DAB1: variants seen among roughly 807,000 people sequenced by gnomAD.
The protein encoded by DAB1 is disabled homolog 1.
Under a neutral mutation model 64.6 loss-of-function variants are expected in DAB1, and 15 were observed. The ratio of observed to expected loss-of-function variants is 0.23; its 90% CI spans 0.16 to 0.36. The LOEUF (loss-of-function observed/expected upper bound fraction) is 0.36. Among genes scored for constraint, DAB1 ranks in the 10% least tolerant of loss-of-function variants. The pLI, the probability that DAB1 is intolerant of heterozygous loss-of-function variation, is 1.00. For synonymous variants in DAB1, 235 were observed against 251.9 expected, an observed-to-expected ratio of 0.93 and a Z score of 0.64; for missense variants, 596 against 706.7, an observed-to-expected ratio of 0.84 and a Z score of 1.78.
intron 5 of DAB1, among the ~76,000 whole-genome samples, chr1:58,053,474 T>C (rs2100533467): frequency 6.6e-6 from 1 of 152,214 alleles, no homozygotes; most frequent in Non-Finnish European, 1.5e-5. Flanking sequence ...CGAAGGAACT[T>C]TAGAGAAAAC....
At chr1:58,297,608 A>G (rs1389358716) in intron 4 of DAB1, among the ~76,000 whole-genome samples, 1 of 152,166 alleles carries the variant, frequency 6.6e-6, no homozygotes, top group African/African-American at 2.4e-5. Context: ...AGACATATCT[A>G]GTGGATGGCC....
intron 2 of DAB1, among the ~76,000 whole-genome samples, chr1:57,180,450 C>T (rs1462614085): frequency 6.6e-6 from 1 of 152,150 alleles, no homozygotes; most frequent in Non-Finnish European, 1.5e-5. Context: ...TTTTGCTTTT[C>T]TGCTGAAAGC....
intron 4 of DAB1, among the ~76,000 whole-genome samples, chr1:57,074,668 T>C (rs1015987259): frequency 2.6e-5 from 4 of 152,162 alleles, no homozygotes; most frequent in African/African-American, 9.7e-5. Context: ...ACTCTCTCTA[T>C]GGCTTCACAC....
At chr1:58,419,102 G>C (rs1644748415) in intron 3 of DAB1, among the ~76,000 whole-genome samples, 1 of 152,140 alleles carries the variant, frequency 6.6e-6, no homozygotes, top group Admixed American at 6.5e-5. Context: ...TTGGCAGAAG[G>C]GCAGTGTGTA....
At chr1:57,286,850 T>C (rs1174524546) in intron 2 of DAB1, among the ~76,000 whole-genome samples, 5 of 151,992 alleles carry the variant, frequency 3.3e-5, no homozygotes, top group Non-Finnish European at 5.9e-5. Flanking sequence ...CCCACCAGGG[T>C]GTAGAAAATA....
intron 3 of DAB1, among the ~76,000 whole-genome samples, chr1:58,442,771 G>A (rs188633240): frequency 1.3e-5 from 2 of 152,286 alleles, no homozygotes; most frequent in Non-Finnish European, 2.9e-5. Flanking sequence ...TGATATCACA[G>A]CACTTTGGGA....
rs1286481097 is a variant in DAB1 at position 57,015,373 on chromosome 1, T to C, written c.954A>G (p.Gln318=). The C allele has an allele frequency of 1.2e-6, 2 of 1,613,910 alleles. No individual in the cohort carries two copies. Among genetic ancestry groups the C allele is most frequent in the African/African-American group, 2.7e-5 (2 of 75,020 alleles). The change falls in exon 12 of 15, where the codon CAA becomes CAG. Residue 318 remains glutamine (Q), a synonymous_variant. Transcript: ENST00000371236. The part of the protein sequence containing the change: ...PSFWGQQPLV[Q]QQMVMGAQPP... ...GCTGGGCACCCATGACCATCTGCTG[T>C]TGGACGAGGGGCTGCTGACCCCAGA... is the stretch of plus-strand genomic sequence containing the variant.
At chr1:58,322,219 CA>C (rs1217008677) in intron 4 of DAB1, among the ~76,000 whole-genome samples, 2 of 152,198 alleles carry the variant, frequency 1.3e-5, no homozygotes, top group Admixed American at 1.3e-4. Context: ...GTAATGGCAA[CA>C]AAAGCCAAAA....
At chr1:57,773,072 G>A (rs1649631956) in intron 6 of DAB1, among the ~76,000 whole-genome samples, 1 of 152,014 alleles carries the variant, frequency 6.6e-6, no homozygotes, top group African/African-American at 2.4e-5. Flanking sequence ...TCATGGAACA[G>A]ATCCTTCCCT....
At chr1:58,004,438 G>A (rs745377660) in intron 5 of DAB1, among the ~76,000 whole-genome samples, 1 of 152,106 alleles carries the variant, frequency 6.6e-6, no homozygotes, top group Non-Finnish European at 1.5e-5. Context: ...CCATGGGCCA[G>A]AGAAAGGATG....
chr1:58,195,134 G>C (rs909510922), intron 4 of DAB1, among the ~76,000 whole-genome samples: 2 of 139,916 alleles, frequency 1.4e-5, no homozygotes, highest in Admixed American at 1.4e-4. Flanking sequence ...AGGAGAGAGA[G>C]AGAGAGAGAC....
At chr1:58,156,367 G>A (rs778231298) in intron 4 of DAB1, among the ~76,000 whole-genome samples, 3 of 152,152 alleles carry the variant, frequency 2.0e-5, no homozygotes, top group Admixed American at 6.5e-5. Context: ...GTATCTTAGC[G>A]CTTCCCAACC....
chr1:58,166,194 T>C (rs897271600), intron 4 of DAB1, among the ~76,000 whole-genome samples: 1 of 152,366 alleles, frequency 6.6e-6, no homozygotes, highest in South Asian at 2.1e-4. Context: ...TAAAATTTAC[T>C]GGTTTTAAGT....
rs58070219 is a variant in DAB1 at position 57,877,545 on chromosome 1, A to ATTTT, written n.87+6450_87+6453dup. ...ATCTTTTAAAAATCCTAATTGATTT[A>ATTTT]TTTTTTTTTTTTTTTTTTTTTTTTT... On this transcript the variant is annotated intron_variant and non_coding_transcript_variant, in intron 1 of 1. Coordinates refer to the DAB1 transcript ENST00000477280. Among the ~76,000 whole-genome samples, 19 of 65,080 alleles carry ATTTT rather than the reference A, an allele frequency of 2.9e-4. 1 individual carries two copies. The highest frequency in any genetic ancestry group is 3.9e-4 in the African/African-American group (4 of 10,320). The allele number at this position is 65,080 out of a possible 152,430, so 42.7% of individuals were successfully genotyped here. A position where few individuals can be genotyped will look rare whatever the true frequency, so the allele number is the denominator to read the frequency against.
intron 7 of DAB1, among the ~76,000 whole-genome samples, chr1:57,645,553 G>A (rs1462702679): frequency 2.0e-5 from 3 of 152,076 alleles, no homozygotes; most frequent in Non-Finnish European, 4.4e-5. Flanking sequence ...GGTTTACAAT[G>A]GTATATGTTT....
At chr1:57,625,640 GGAT>G (rs1361758967) in intron 7 of DAB1, among the ~76,000 whole-genome samples, 1 of 152,164 alleles carries the variant, frequency 6.6e-6, no homozygotes, top group African/African-American at 2.4e-5. Context: ...CCAGGCAAAG[GGAT>G]GGGCAGGGAT....
chr1:57,560,416 C>T (rs1164167064), intron 7 of DAB1, among the ~76,000 whole-genome samples: 1 of 152,196 alleles, frequency 6.6e-6, no homozygotes, highest in Non-Finnish European at 1.5e-5. Context: ...ATTCAGGGAC[C>T]TTCTACCTCA....
In DAB1 at chr1:58,277,042, T is replaced by C. The variant is rs1024486664; in HGVS notation, n.309+66310A>G. Among the ~76,000 whole-genome samples the C allele has an allele frequency of 2.5e-3, 360 of 142,660 alleles. 1 individual carries two copies. Among genetic ancestry groups the C allele is most frequent in the African/African-American group, 8.4e-3 (324 of 38,520 alleles). 93.6% of individuals were successfully genotyped at this position (142,660 alleles called of 152,430 possible). A position where few individuals can be genotyped will look rare whatever the true frequency, so the allele number is the denominator to read the frequency against. ...GTTGCAGAGACTTTTTTTTTCTTTT[T>C]TTTTTTTTTTTTTTTGAGACAGAGT... On this transcript the variant is annotated intron_variant and non_coding_transcript_variant, in intron 4 of 20. Transcript: ENST00000485760.
intron 5 of DAB1, among the ~76,000 whole-genome samples, chr1:58,059,001 G>A (rs1398980112): frequency 2.6e-5 from 4 of 152,142 alleles, no homozygotes; most frequent in Non-Finnish European, 5.9e-5. Flanking sequence ...GTTCCTTTAA[G>A]ACAACTGGAC....
Sources: gnomAD v4.1 joint callset for allele counts (sites outside exome capture counted in the v4.1 genomes callset) on GRCh38, gnomAD v4.1.1 for gene constraint, MANE v1.5 for transcripts, NCBI Gene and HGNC (gene_info 2026-07-23, HGNC 2026-07-21) for gene names.